Variants in SMIM13 observed in about 807,000 individuals in gnomAD.
SMIM13 encodes the protein small integral membrane protein 13, also known as UPF0766 protein C6orf228.
Under a neutral mutation model 5.9 loss-of-function variants are expected in SMIM13, and 3 were observed. The ratio of observed to expected loss-of-function variants is 0.51; its 90% confidence interval spans 0.23 to 1.31. The LOEUF (loss-of-function observed/expected upper bound fraction) is 1.31, where lower values mean the gene tolerates loss of function less well. Ranked by LOEUF, SMIM13 falls within the 40% of genes most tolerant of loss-of-function variation. The pLI is 0.18. For synonymous variants in SMIM13, 55 were observed against 46.0 expected (o/e 1.19, Z -0.79); for missense variants, 85 against 109.9 (o/e 0.77, Z 1.01).
chr6:11,132,483 C>G (rs1047463858), intron 1 of SMIM13, among the ~76,000 whole-genome samples: 1 of 152,110 alleles, frequency 6.6e-6, no homozygotes, highest in East Asian at 1.9e-4. Context: ...CAAAAAGTGG[C>G]AACTTTGTTT....
intron 1 of SMIM13, among the ~76,000 whole-genome samples, chr6:11,110,632 C>G (rs58969617): frequency 0.19 from 28,844 of 152,086 alleles, 3,105 homozygotes; most frequent in African/African-American, 0.29. Flanking sequence ...ACATGCAGAA[C>G]AAATGCTTAA....
chr6:11,109,465 G>A (rs530971885), intron 1 of SMIM13, among the ~76,000 whole-genome samples: 1 of 152,138 alleles, frequency 6.6e-6, no homozygotes, highest in South Asian at 2.1e-4. Flanking sequence ...GGGCAATGGG[G>A]CTTGAGCTCT....
intron 1 of SMIM13, among the ~76,000 whole-genome samples, chr6:11,111,087 G>T (rs1372005339): frequency 6.6e-6 from 1 of 152,186 alleles, no homozygotes. Context: ...CATCCGAGCT[G>T]GTAGGGTAAC....
intron 1 of SMIM13, among the ~76,000 whole-genome samples, chr6:11,132,329 A>G (rs1420977160): frequency 6.6e-6 from 1 of 152,194 alleles, no homozygotes; most frequent in Non-Finnish European, 1.5e-5. Flanking sequence ...GGGAATGTAA[A>G]GTGTTGAAGC....
chr6:11,118,232 A>G (rs1461606182), intron 1 of SMIM13, among the ~76,000 whole-genome samples: 1 of 152,188 alleles, frequency 6.6e-6, no homozygotes, highest in African/African-American at 2.4e-5. Flanking sequence ...TTTTTCTGCT[A>G]TTGATTGAAA....
intron 1 of SMIM13, among the ~76,000 whole-genome samples, chr6:11,113,628 TAC>T (rs1304096527): frequency 2.6e-5 from 4 of 152,290 alleles, no homozygotes; most frequent in Middle Eastern, 3.4e-3. Context: ...CAGGCTGGAG[TAC>T]AGTGGCACAA....
intron 1 of SMIM13, chr6:11,105,139 A>G: frequency 6.2e-7 from 1 of 1,614,214 alleles, no homozygotes; most frequent in Non-Finnish European, 8.5e-7. Context: ...GAGGCTGGAT[A>G]AGCTGTCCCT....
chr6:11,105,082 G>A lies in SMIM13; in HGVS notation c.76+10693G>A, dbSNP rs200815152. ...AGTCCTTTCAGATTAGGGTCCCATC[G>A]ATAGGAAATATGTAATTCCGCCTCT... On this transcript the variant is annotated intron_variant, in intron 1 of 1. Coordinates refer to ENST00000416247, the MANE Select transcript of SMIM13 (RefSeq NM_001135575.2). 11 of 1,614,052 alleles carry A rather than the reference G, an allele frequency of 6.8e-6. No individual in the cohort carries two copies. The South Asian group carries it at 7.7e-5, about 11-fold the overall frequency.
At chr6:11,095,116 C>G (rs2113633946) in intron 1 of SMIM13, among the ~76,000 whole-genome samples, 1 of 152,256 alleles carries the variant, frequency 6.6e-6, no homozygotes, top group South Asian at 2.1e-4. Context: ...AGTGGCTAAG[C>G]AATTGTGAAA....
chr6:11,122,539 T>A (rs1388190475), intron 1 of SMIM13, among the ~76,000 whole-genome samples: 1 of 151,634 alleles, frequency 6.6e-6, no homozygotes, highest in Non-Finnish European at 1.5e-5. Flanking sequence ...TGTGACCTTT[T>A]TGCAGTGTGG....
intron 1 of SMIM13, among the ~76,000 whole-genome samples, chr6:11,108,426 T>G (rs1758120031): frequency 6.6e-6 from 1 of 152,194 alleles, no homozygotes; most frequent in Non-Finnish European, 1.5e-5. Flanking sequence ...AGTTGGGATG[T>G]CCTGAGGGCC....
chr6:11,133,771 T>C (rs1329873476), intron 1 of SMIM13, among the ~76,000 whole-genome samples: 19 of 151,512 alleles, frequency 1.3e-4, no homozygotes, highest in Admixed American at 1.2e-3. Context: ...GAATTAGTCA[T>C]ACTTTTTAAT....
At chr6:11,109,225 C>T (rs1000678837) in intron 1 of SMIM13, among the ~76,000 whole-genome samples, 3 of 152,186 alleles carry the variant, frequency 2.0e-5, no homozygotes, top group Non-Finnish European at 4.4e-5. Context: ...GATGTTAAGC[C>T]CAGTTTATAA....
chr6:11,108,261 A>G (rs1478968663), intron 1 of SMIM13, among the ~76,000 whole-genome samples: 1 of 152,206 alleles, frequency 6.6e-6, no homozygotes, highest in African/African-American at 2.4e-5. Context: ...AGAGGTAAGC[A>G]TTGAGCAGGC....
At chr6:11,123,536 TAGC>T (rs1758338030) in intron 1 of SMIM13, among the ~76,000 whole-genome samples, 1 of 152,244 alleles carries the variant, frequency 6.6e-6, no homozygotes, top group African/African-American at 2.4e-5. Flanking sequence ...TGAGCCCTAT[TAGC>T]AGCAAGGAGT....
intron 1 of SMIM13, among the ~76,000 whole-genome samples, chr6:11,114,454 C>T (rs1231652604): frequency 6.7e-6 from 1 of 149,372 alleles, no homozygotes; most frequent in Non-Finnish European, 1.5e-5. Context: ...AATAGATATT[C>T]TTTATCAAGT....
intron 1 of SMIM13, among the ~76,000 whole-genome samples, chr6:11,099,161 A>G (rs1409288049): frequency 6.6e-6 from 1 of 150,482 alleles, no homozygotes; most frequent in Non-Finnish European, 1.5e-5. Context: ...CTCTCCTGAG[A>G]CCCAGGCTCA....
intron 1 of SMIM13, among the ~76,000 whole-genome samples, chr6:11,134,178 C>A (rs1171422892): frequency 6.6e-6 from 1 of 152,108 alleles, no homozygotes; most frequent in Non-Finnish European, 1.5e-5. Context: ...TAGACTCAGC[C>A]CGAATTCTAA....
intron 1 of SMIM13, among the ~76,000 whole-genome samples, chr6:11,114,349 G>T (rs2113654110): frequency 6.6e-6 from 1 of 152,206 alleles, no homozygotes; most frequent in African/African-American, 2.4e-5. Context: ...TTATAATGTT[G>T]CAAGAAAGGA....
Sources: allele counts gnomAD v4.1 joint callset (sites outside exome capture counted in the v4.1 genomes callset), GRCh38; gene constraint gnomAD v4.1.1; transcripts MANE v1.5; gene names NCBI Gene and HGNC (gene_info 2026-07-23, HGNC 2026-07-21).